Variants in ACTN1 observed in about 807,000 individuals in gnomAD.
The protein encoded by ACTN1 is alpha-actinin-1.
A neutral mutation model predicts 119.6 loss-of-function variants in ACTN1; 30 were observed. That is an observed-to-expected ratio of 0.25 (90% CI 0.19 to 0.34). ACTN1 has a LOEUF of 0.34. ACTN1 is among the 10% of genes least tolerant of loss of function. ACTN1 has a pLI of 1.00. For synonymous variants in ACTN1, 429 were observed against 472.6 expected, an observed-to-expected ratio of 0.91 and a Z score of 1.20; for missense variants, 764 against 1,223.4, an observed-to-expected ratio of 0.62 and a Z score of 5.60.
At chr14:68,905,819 C>T (rs1326162777) in intron 6 of ACTN1, among the ~76,000 whole-genome samples, 1 of 151,980 alleles carries the variant, frequency 6.6e-6, no homozygotes, top group African/African-American at 2.4e-5. Flanking sequence ...TGGTGACACC[C>T]CGTGTCTGCT....
chr14:68,978,844 C>A (rs1326879231), intron 1 of ACTN1, 108 bp downstream of exon 1: 6 of 676,592 alleles, frequency 8.9e-6, no homozygotes, highest in African/African-American at 1.9e-5. Context: ...CCCTCCCGTG[C>A]GCGCCCGGAA....
intron 1 of ACTN1, among the ~76,000 whole-genome samples, chr14:68,953,234 G>A (rs1002594726): frequency 1.3e-5 from 2 of 152,062 alleles, no homozygotes; most frequent in Admixed American, 6.5e-5. Context: ...CAACTCTCCT[G>A]GTCTTCCTAG....
rs200120100 is a variant in ACTN1 at position 68,882,551 on chromosome 14, C to T, written c.1860G>A (p.Glu620=). The part of the protein sequence containing the change: ...LVPRRDQALT[E]EHARQQHNER... ...CATTGTGCTGCTGTCGGGCATGCTC[C>T]TCCGTCAGAGCTTGGTCCCTCCGAG... Residue 620 remains glutamate (E), a synonymous_variant, in exon 16 of 22, where the codon GAG becomes GAA. Coordinates refer to ENST00000394419, the MANE Select transcript of ACTN1 (RefSeq NM_001130004.2). This position sits in a 1 kb window ranked among gnomAD's most constrained non-coding sequence, Gnocchi z 4.5. 2.5e-6 allele frequency: 4 copies of T among 1,614,214 alleles called. No individual in the cohort carries two copies. In the African/African-American group the frequency reaches 4.0e-5, roughly 16 times the overall value.
At chr14:68,910,990 G>A (rs879661521) in intron 4 of ACTN1, among the ~76,000 whole-genome samples, 4 of 152,124 alleles carry the variant, frequency 2.6e-5, no homozygotes, top group Non-Finnish European at 4.4e-5. Context: ...ACCCAGTCTC[G>A]GGTATGTCCT....
At chr14:68,894,053 T>C (rs1334317319) in intron 8 of ACTN1, among the ~76,000 whole-genome samples, 2 of 151,898 alleles carry the variant, frequency 1.3e-5, no homozygotes, top group Non-Finnish European at 2.9e-5. Context: ...ACTGATATAA[T>C]CAAAATACTC....
intron 11 of ACTN1, chr14:68,887,230 C>T: frequency 6.6e-6 from 2 of 301,938 alleles, no homozygotes; most frequent in East Asian, 9.7e-5. Flanking sequence ...ATAGCACGTA[C>T]ACTACATATT....
intron 1 of ACTN1, chr14:68,977,525 C>T: frequency 5.1e-6 from 1 of 194,444 alleles, no homozygotes; most frequent in South Asian, 7.9e-5. Context: ...GGCACCGCGG[C>T]CCAGGTCATC....
chr14:68,882,408 C>G lies in ACTN1; in HGVS notation c.1953+50G>C. 1 of 1,140,844 alleles carries G rather than the reference C, an allele frequency of 8.8e-7. No individual in the cohort carries two copies. 70.7% of individuals were successfully genotyped at this position (1,140,844 alleles called of 1,614,324 possible). The stretch of plus-strand genomic sequence containing the variant: ...GCAGCCTGGCTGGCTAGGATAGTGT[C>G]GGGGGGGAGGGGTGGGAGCCCCAGC... On this transcript the variant is annotated intron_variant, in intron 16 of 21. Coordinates refer to ENST00000394419, the MANE Select transcript of ACTN1 (RefSeq NM_001130004.2). The surrounding 1 kb of genome is among the most constrained non-coding windows in gnomAD (Gnocchi z 4.5).
At position 68,875,024 on chromosome 14, in the gene ACTN1, GGA is replaced by G. The variant is rs1363934575; in HGVS notation, c.2587-9_2587-8del. On this transcript the variant is annotated splice_region_variant and splice_polypyrimidine_tract_variant and intron_variant, in intron 21 of 21. Transcript: ENST00000394419. The stretch of plus-strand genomic sequence containing the variant: ...CGTCCATGGTAATGTAGTTCTGCGA[GGA>G]GAGAGTGGTCAGGAAGGCCGCAAAG... 1 of 1,612,506 alleles carries G rather than the reference GGA, an allele frequency of 6.2e-7. No homozygotes were observed. The highest frequency in any genetic ancestry group is 1.1e-5 in the South Asian group (1 of 91,084).
chr14:68,875,084 A>G (rs2030737546), intron 21 of ACTN1, 67 bp from the exon 22 acceptor site: 1 of 1,596,170 alleles, frequency 6.3e-7, no homozygotes, highest in African/African-American at 1.3e-5. Context: ...GGCCCGACAC[A>G]GCCGCAAAGC....
In ACTN1 at chr14:68,979,064, C is replaced by G; in HGVS notation, c.-8G>C. 6.5e-7 allele frequency: 1 copy of G among 1,550,064 alleles called. No individual in the cohort carries two copies. Among genetic ancestry groups the G allele is most frequent in the Non-Finnish European group, 8.8e-7 (1 of 1,140,800 alleles). The stretch of plus-strand genomic sequence containing the variant: ...AGAATCATAATGGTCCATGATGGTG[C>G]GCGCGTGCTAGGGTCTGGATTTCTT... On this transcript the variant is annotated 5_prime_UTR_variant, in exon 1 of 22. Coordinates refer to ENST00000394419, the MANE Select transcript of ACTN1 (RefSeq NM_001130004.2).
At chr14:68,936,422 A>G (rs531358759) in intron 1 of ACTN1, among the ~76,000 whole-genome samples, 3 of 152,284 alleles carry the variant, frequency 2.0e-5, no homozygotes, top group East Asian at 1.9e-4. Context: ...AGAAATGGGA[A>G]GGCAGGGGGT....
At chr14:68,957,548 C>A (rs547149918) in intron 1 of ACTN1, among the ~76,000 whole-genome samples, 1 of 152,346 alleles carries the variant, frequency 6.6e-6, no homozygotes, top group East Asian at 1.9e-4. Flanking sequence ...AGGACTGAAG[C>A]CTCGCTCTCT....
rs1414784144 is a variant in ACTN1, at chr14:68,882,493, T to C, written c.1918A>G (p.Asn640Asp). 1 of 1,614,148 alleles carries C rather than the reference T, an allele frequency of 6.2e-7. No homozygotes were observed. Among genetic ancestry groups the C allele is most frequent in the Non-Finnish European group, 8.5e-7 (1 of 1,180,006 alleles). ...GTCTGGATCCAGGGCCCGATGACATTGGCCTGGGCTCCAAACTGCTTGCGT... is the reference window on the plus strand; with the variant it reads ...GTCTGGATCCAGGGCCCGATGACATCGGCCTGGGCTCCAAACTGCTTGCGT... The part of the protein sequence containing the change: ...RLRKQFGAQA[N>D]VIGPWIQTKM... Residue 640 changes from asparagine to aspartate, a missense_variant, in exon 16 of 22, where the codon AAT (asparagine) becomes GAT (aspartate). Coordinates refer to ENST00000394419, the MANE Select transcript of ACTN1 (RefSeq NM_001130004.2). This position sits in a 1 kb window ranked among gnomAD's most constrained non-coding sequence, Gnocchi z 4.5.
intron 1 of ACTN1, among the ~76,000 whole-genome samples, chr14:68,944,747 G>A (rs1469126665): frequency 2.6e-5 from 4 of 152,052 alleles, no homozygotes; most frequent in African/African-American, 2.4e-5. Flanking sequence ...TGAAAAGTTC[G>A]TAAATGTGAA....
At chr14:68,961,624 G>T (rs1234258609) in intron 1 of ACTN1, among the ~76,000 whole-genome samples, 1 of 152,204 alleles carries the variant, frequency 6.6e-6, no homozygotes, top group Non-Finnish European at 1.5e-5. Flanking sequence ...AGTGGGTGGT[G>T]CCATGGATTT....
At chr14:68,977,956 G>A (rs1395694429) in intron 1 of ACTN1, 1 of 456,036 alleles carries the variant, frequency 2.2e-6, no homozygotes, top group Admixed American at 2.3e-5. Flanking sequence ...TCACCGCGCA[G>A]GCAGGAAGCA....
At chr14:68,881,893 C>T (rs568937169) in intron 16 of ACTN1, among the ~76,000 whole-genome samples, 5 of 148,746 alleles carry the variant, frequency 3.4e-5, no homozygotes, top group Non-Finnish European at 5.9e-5. Context: ...CTGGATCGGG[C>T]GCTCAGGAAC....
intron 1 of ACTN1, among the ~76,000 whole-genome samples, chr14:68,929,191 G>C (rs2035093593): frequency 6.6e-6 from 1 of 152,116 alleles, no homozygotes; most frequent in Non-Finnish European, 1.5e-5. Flanking sequence ...TCTGACAGCT[G>C]AACGCACACC....
Sources: gnomAD v4.1 joint callset for allele counts (sites outside exome capture counted in the v4.1 genomes callset) on GRCh38, gnomAD v4.1.1 for gene constraint, Gnocchi (gnomAD v3.1) non-coding constraint, MANE v1.5 for transcripts, NCBI Gene and HGNC (gene_info 2026-07-23, HGNC 2026-07-21) for gene names.